ST6GALNAC3: variants seen among roughly 807,000 people sequenced by gnomAD.
ST6GALNAC3 encodes the protein ST6 N-acetylgalactosaminide alpha-2,6-sialyltransferase 3, also known as alpha-N-acetylgalactosaminide alpha-2,6-sialyltransferase 3.
In ST6GALNAC3, 25 loss-of-function variants were observed where a neutral mutation model predicts 32.7. The ratio of observed to expected loss-of-function variants is 0.76; its 90% CI spans 0.56 to 1.07. ST6GALNAC3 has a LOEUF of 1.07. Ranked by LOEUF, ST6GALNAC3 falls within the 50% of genes least tolerant of loss-of-function variation. ST6GALNAC3 has a pLI of 0.00. For missense variants in ST6GALNAC3, 355 were observed against 382.4 expected, an observed-to-expected ratio of 0.93 and a Z score of 0.60; for synonymous variants, 129 against 133.1, an observed-to-expected ratio of 0.97 and a Z score of 0.21.
At chr1:76,435,148 A>G (rs950726241) in intron 3 of ST6GALNAC3, among the ~76,000 whole-genome samples, 1 of 152,096 alleles carries the variant, frequency 6.6e-6, no homozygotes, top group Non-Finnish European at 1.5e-5. Context: ...GTTACTCAAC[A>G]TCTGAGTTTC....
At chr1:76,587,586 G>A (rs1490971179) in intron 3 of ST6GALNAC3, among the ~76,000 whole-genome samples, 1 of 152,226 alleles carries the variant, frequency 6.6e-6, no homozygotes. Context: ...CTGGTTGAGT[G>A]ACCTTGGGAA....
intron 2 of ST6GALNAC3, among the ~76,000 whole-genome samples, chr1:76,347,599 C>G (rs1361389821): frequency 6.6e-6 from 1 of 152,046 alleles, no homozygotes; most frequent in African/African-American, 2.4e-5. Context: ...TTGGCAAACC[C>G]TATCAGATAC....
At chr1:76,151,075 G>T (rs1313409479) in intron 1 of ST6GALNAC3, among the ~76,000 whole-genome samples, 1 of 152,200 alleles carries the variant, frequency 6.6e-6, no homozygotes, top group Non-Finnish European at 1.5e-5. Flanking sequence ...CTTTCCAAGA[G>T]TGAAGTAACA....
chr1:76,621,107 C>T (rs1028977970), intron 3 of ST6GALNAC3, among the ~76,000 whole-genome samples: 10 of 151,930 alleles, frequency 6.6e-5, no homozygotes, highest in African/African-American at 9.7e-5. Context: ...AGAACACAGT[C>T]GTTTCTTATT....
At chr1:76,443,573 C>T (rs1453562256) in intron 3 of ST6GALNAC3, among the ~76,000 whole-genome samples, 1 of 152,070 alleles carries the variant, frequency 6.6e-6, no homozygotes, top group Non-Finnish European at 1.5e-5. Flanking sequence ...AACTTGTGGC[C>T]CTTTGTAATT....
At chr1:76,204,527 A>G (rs1245321694) in intron 1 of ST6GALNAC3, among the ~76,000 whole-genome samples, 1 of 152,104 alleles carries the variant, frequency 6.6e-6, no homozygotes, top group Non-Finnish European at 1.5e-5. Context: ...TGGTAGAAAG[A>G]GTCCTTTTTA....
intron 1 of ST6GALNAC3, among the ~76,000 whole-genome samples, chr1:76,079,178 T>G (rs769973382): frequency 2.0e-5 from 3 of 152,216 alleles, no homozygotes; most frequent in Non-Finnish European, 2.9e-5. Flanking sequence ...GGAGACAGAT[T>G]ACAGGGAAGA....
At chr1:76,520,141 T>C (rs1188379302) in intron 3 of ST6GALNAC3, among the ~76,000 whole-genome samples, 1 of 152,156 alleles carries the variant, frequency 6.6e-6, no homozygotes, top group Non-Finnish European at 1.5e-5. Flanking sequence ...TTCTATCAAA[T>C]GTTTAGTAAT....
chr1:76,559,170 T>C (rs1557570900), intron 3 of ST6GALNAC3, among the ~76,000 whole-genome samples: 1 of 152,158 alleles, frequency 6.6e-6, no homozygotes, highest in Non-Finnish European at 1.5e-5. Context: ...TAATTTTACT[T>C]TGCTGGTTCA....
chr1:76,498,317 T>C (rs959840440), intron 3 of ST6GALNAC3, among the ~76,000 whole-genome samples: 1 of 152,212 alleles, frequency 6.6e-6, no homozygotes, highest in Non-Finnish European at 1.5e-5. Context: ...TCTTTCTTTT[T>C]ATCCTCAATT....
At chr1:76,160,521 G>T (rs1651740728) in intron 1 of ST6GALNAC3, among the ~76,000 whole-genome samples, 1 of 152,166 alleles carries the variant, frequency 6.6e-6, no homozygotes, top group Admixed American at 6.5e-5. Flanking sequence ...GAAGAAAGAG[G>T]TGTCACAAGG....
chr1:76,260,809 T>C (rs1022707333), intron 1 of ST6GALNAC3, among the ~76,000 whole-genome samples: 1 of 152,184 alleles, frequency 6.6e-6, no homozygotes, highest in Non-Finnish European at 1.5e-5. Flanking sequence ...TTAAGCTCAC[T>C]TTAAAAAATC....
At chr1:76,115,334 GT>G (rs34423456) in intron 1 of ST6GALNAC3, among the ~76,000 whole-genome samples, 9,237 of 152,140 alleles carry the variant, frequency 0.061, 303 homozygotes, top group African/African-American at 0.09. Context: ...TCAACACCTG[GT>G]ATGATTCATG....
chr1:76,611,866 A>G (rs1329271370), intron 3 of ST6GALNAC3, among the ~76,000 whole-genome samples: 1 of 152,172 alleles, frequency 6.6e-6, no homozygotes, highest in East Asian at 1.9e-4. Flanking sequence ...TTCCTGTTGC[A>G]TTGCCTTCTT....
chr1:76,360,353 A>C (rs775749868), intron 2 of ST6GALNAC3, among the ~76,000 whole-genome samples: 1 of 152,126 alleles, frequency 6.6e-6, no homozygotes, highest in African/African-American at 2.4e-5. Flanking sequence ...CAGGTTATAT[A>C]GAGGCCTGTG....
At chr1:76,550,563 A>T (rs149803502) in intron 3 of ST6GALNAC3, among the ~76,000 whole-genome samples, 1 of 152,082 alleles carries the variant, frequency 6.6e-6, no homozygotes, top group African/African-American at 2.4e-5. Flanking sequence ...ATATTATTGC[A>T]TAGGGTTAGG....
intron 3 of ST6GALNAC3, among the ~76,000 whole-genome samples, chr1:76,468,177 A>T (rs1285785048): frequency 6.6e-6 from 1 of 151,832 alleles, no homozygotes; most frequent in Non-Finnish European, 1.5e-5. Context: ...GGTCTAGCTT[A>T]GTGTTTGCCC....
intron 1 of ST6GALNAC3, among the ~76,000 whole-genome samples, chr1:76,221,548 C>T (rs1184382536): frequency 6.6e-6 from 1 of 152,138 alleles, no homozygotes; most frequent in Non-Finnish European, 1.5e-5. Context: ...CCCCAGTGCT[C>T]CCTGAGAATG....
intron 1 of ST6GALNAC3, among the ~76,000 whole-genome samples, chr1:76,192,620 G>C (rs771466073): frequency 1.2e-4 from 18 of 152,172 alleles, no homozygotes; most frequent in South Asian, 6.2e-4. Context: ...TTGGTAAGAA[G>C]ATGTTTTGTT....
Sources: gnomAD v4.1 joint callset for allele counts (sites outside exome capture counted in the v4.1 genomes callset) on GRCh38, gnomAD v4.1.1 for gene constraint, MANE v1.5 for transcripts, NCBI Gene and HGNC (gene_info 2026-07-23, HGNC 2026-07-21) for gene names.